RBFOX1: variants seen among roughly 807,000 people sequenced by gnomAD.
The protein encoded by RBFOX1 is RNA binding protein fox-1 homolog 1.
In RBFOX1, 8 loss-of-function variants were observed where a neutral mutation model predicts 57.7. The observed-to-expected ratio is 0.14, with a 90% CI of 0.08 to 0.25. The LOEUF (loss-of-function observed/expected upper bound fraction) is 0.25, where lower values mean the gene tolerates loss of function less well. Ranked by LOEUF, RBFOX1 falls within the 10% of genes least tolerant of loss-of-function variation. The pLI, the probability that RBFOX1 is intolerant of heterozygous loss-of-function variation, is 1.00. For missense variants in RBFOX1, 611 were observed against 548.5 expected, an observed-to-expected ratio of 1.11 and a Z score of -1.14; for synonymous variants, 326 against 222.4, an observed-to-expected ratio of 1.47 and a Z score of -4.15.
intron 2 of RBFOX1, among the ~76,000 whole-genome samples, chr16:6,365,979 GT>G (rs138657796): frequency 0.02 from 2,903 of 147,640 alleles, 90 homozygotes; most frequent in African/African-American, 0.068. Context: ...TTCTCTGGGT[GT>G]TTTTTTTTTC....
intron 1 of RBFOX1, among the ~76,000 whole-genome samples, chr16:6,250,797 C>T (rs1055136138): frequency 1.3e-5 from 2 of 152,120 alleles, no homozygotes; most frequent in African/African-American, 4.8e-5. Context: ...GGAAATTAAT[C>T]CCCCAAATGG....
At chr16:5,363,498 C>A (rs2065613110) in intron 1 of RBFOX1, among the ~76,000 whole-genome samples, 1 of 152,118 alleles carries the variant, frequency 6.6e-6, no homozygotes, top group African/African-American at 2.4e-5. Flanking sequence ...CTCAAAAGTC[C>A]CATGGGCTTC....
intron 3 of RBFOX1, among the ~76,000 whole-genome samples, chr16:6,777,356 C>T (rs1390457525): frequency 6.6e-6 from 1 of 152,110 alleles, no homozygotes; most frequent in Non-Finnish European, 1.5e-5. Context: ...TTTAAGTTAA[C>T]TCTATTTGTG....
At chr16:7,572,577 C>A (rs1232054326) in intron 5 of RBFOX1, among the ~76,000 whole-genome samples, 1 of 152,092 alleles carries the variant, frequency 6.6e-6, no homozygotes, top group Admixed American at 6.5e-5. Context: ...CGGTGGCTCA[C>A]GCCTGTAATC....
intron 1 of RBFOX1, among the ~76,000 whole-genome samples, chr16:5,271,707 C>T (rs1332059900): frequency 1.3e-5 from 2 of 152,180 alleles, no homozygotes; most frequent in African/African-American, 2.4e-5. Context: ...CTTATTCTTC[C>T]TATTGGAAAC....
In RBFOX1 at chr16:6,783,608, A is replaced by T. The variant is rs921788495; in HGVS notation, c.-16+128958A>T. Among the ~76,000 whole-genome samples the T allele has an allele frequency of 1.2e-4, 19 of 152,122 alleles. 1 individual carries two copies. The East Asian group carries it at 1.7e-3, about 14-fold the overall frequency. ...TGTCTTTTTTACTGTCTTTCAACAA[A>T]TTGTTGTAGTTATTATTATTTTTCA... On this transcript the variant is annotated intron_variant, in intron 3 of 15. Coordinates refer to ENST00000550418, the MANE Select transcript of RBFOX1 (RefSeq NM_018723.4).
chr16:6,195,783 G>A (rs1449456547), intron 1 of RBFOX1, among the ~76,000 whole-genome samples: 1 of 151,980 alleles, frequency 6.6e-6, no homozygotes, highest in Non-Finnish European at 1.5e-5. Flanking sequence ...GTCATGGGGT[G>A]AGCAGGGATG....
intron 3 of RBFOX1, among the ~76,000 whole-genome samples, chr16:5,695,268 A>G (rs1330654728): frequency 6.6e-6 from 1 of 152,176 alleles, no homozygotes; most frequent in Non-Finnish European, 1.5e-5. Flanking sequence ...ATAATTTAAG[A>G]AGTCCCTGGG....
At chr16:6,372,826 A>AT in intron 2 of RBFOX1, among the ~76,000 whole-genome samples, 1 of 150,230 alleles carries the variant, frequency 6.7e-6, no homozygotes, top group East Asian at 2.0e-4. Flanking sequence ...ACTGGATGGG[A>AT]GGATGGTTGG....
At chr16:5,316,203 C>T (rs571168911) in intron 1 of RBFOX1, among the ~76,000 whole-genome samples, 10 of 152,352 alleles carry the variant, frequency 6.6e-5, no homozygotes, top group Non-Finnish European at 1.0e-4. Context: ...CATCTCTAAT[C>T]GAGCACAACT....
intron 4 of RBFOX1, among the ~76,000 whole-genome samples, chr16:7,158,669 C>T (rs190909451): frequency 1.1e-4 from 16 of 146,226 alleles, no homozygotes; most frequent in Admixed American, 1.1e-3. Flanking sequence ...CGTGCACGCA[C>T]GTATGTGTGT....
rs73540785 is a variant in RBFOX1, at chr16:7,087,938, T to C, written c.27+35840T>C. Among the ~76,000 whole-genome samples the C allele has an allele frequency of 8.0e-3, 1,211 of 152,258 alleles. 16 individuals are homozygous for C. Among genetic ancestry groups the C allele is most frequent in the East Asian group, 0.025 (131 of 5,178 alleles). ...TCTCTCTTTCTCTCTGATTAATAAA[T>C]TGACTTTGGGGATAAAGATTGCAGC... is the stretch of plus-strand genomic sequence containing the variant. On this transcript the variant is annotated intron_variant, in intron 4 of 15. Transcript: ENST00000550418.
intron 3 of RBFOX1, among the ~76,000 whole-genome samples, chr16:6,851,510 T>A (rs936594542): frequency 6.6e-6 from 1 of 152,218 alleles, no homozygotes; most frequent in Non-Finnish European, 1.5e-5. Flanking sequence ...GTTTGAAAGA[T>A]ATTCACAACA....
At chr16:5,281,218 C>A (rs968689889) in intron 1 of RBFOX1, among the ~76,000 whole-genome samples, 2 of 152,016 alleles carry the variant, frequency 1.3e-5, no homozygotes, top group African/African-American at 2.4e-5. Flanking sequence ...GTTTAATGTC[C>A]ATGTATTTGT....
intron 6 of RBFOX1, among the ~76,000 whole-genome samples, chr16:7,583,148 C>CTTTTTTTTTTTTTTT: frequency 7.6e-6 from 1 of 132,388 alleles, no homozygotes; most frequent in African/African-American, 2.8e-5. Context: ...TCTAGCTCAT[C>CTTTTTTTTTTTTTTT]TTTTTTTTTT....
chr16:7,442,833 T>C (rs2098779502), intron 4 of RBFOX1, among the ~76,000 whole-genome samples: 1 of 152,136 alleles, frequency 6.6e-6, no homozygotes, highest in Non-Finnish European at 1.5e-5. Flanking sequence ...GGTGATTTGT[T>C]TTTTTTCTGA....
rs187137217 is a variant in RBFOX1 at position 5,593,269 on chromosome 16, C to T, written c.259-5633C>T. Among the ~76,000 whole-genome samples the T allele has an allele frequency of 3.5e-3, 522 of 150,222 alleles. 3 individuals carry two copies. The highest frequency in any genetic ancestry group is 5.6e-3 in the Non-Finnish European group (378 of 67,880). On this transcript the variant is annotated intron_variant, in intron 2 of 2. Transcript: ENST00000585867. Reference sequence around the variant, plus strand: ...GAAAACCAAACACTGTATGTTCTCACTTATAAGTGGGAGTTGAACAATAAG... The same window carrying T: ...GAAAACCAAACACTGTATGTTCTCATTTATAAGTGGGAGTTGAACAATAAG...
chr16:6,708,492 T>C (rs2063159915), intron 3 of RBFOX1, among the ~76,000 whole-genome samples: 1 of 152,216 alleles, frequency 6.6e-6, no homozygotes, highest in African/African-American at 2.4e-5. Context: ...TCCTTTAAGA[T>C]ATTTTCATCA....
chr16:6,721,312 G>A (rs778263188), intron 3 of RBFOX1, among the ~76,000 whole-genome samples: 23 of 152,034 alleles, frequency 1.5e-4, no homozygotes, highest in African/African-American at 3.6e-4. Context: ...GCATGGTGGC[G>A]GGTGCCTGTA....
Sources: gnomAD v4.1 joint callset for allele counts (sites outside exome capture counted in the v4.1 genomes callset) on GRCh38, gnomAD v4.1.1 for gene constraint, MANE v1.5 for transcripts, NCBI Gene and HGNC (gene_info 2026-07-23, HGNC 2026-07-21) for gene names.